Variants in COL16A1 observed in about 807,000 individuals in gnomAD.
The protein encoded by COL16A1 is collagen type XVI alpha 1 chain.
Under a neutral mutation model 266.3 loss-of-function variants are expected in COL16A1, and 189 were observed. That is an observed-to-expected ratio of 0.71 (90% CI 0.63 to 0.80). The LOEUF (loss-of-function observed/expected upper bound fraction) is 0.80. Among genes scored for constraint, COL16A1 ranks in the 30% least tolerant of loss-of-function variants. COL16A1 has a pLI of 0.00. For synonymous variants in COL16A1, 740 were observed against 782.3 expected (o/e 0.95, Z 0.90); for missense variants, 1,928 against 2,122.4 (o/e 0.91, Z 1.80).
In COL16A1 at chr1:31,653,586, T is replaced by C; in HGVS notation, c.4612+13A>G. ...GCTCTGGATTCATGGTCTCAAATGGTGGTATTTCCTACCTGGGGGGCCGGG... is the reference window on the plus strand; with the variant it reads ...GCTCTGGATTCATGGTCTCAAATGGCGGTATTTCCTACCTGGGGGGCCGGG... On this transcript the variant is annotated intron_variant, in intron 70 of 70. Coordinates refer to ENST00000373672, the MANE Select transcript of COL16A1 (RefSeq NM_001856.4). 1 of 1,612,432 alleles carries C rather than the reference T, an allele frequency of 6.2e-7. No homozygotes were observed. Among genetic ancestry groups the C allele is most frequent in the Non-Finnish European group, 8.5e-7 (1 of 1,179,196 alleles).
intron 11 of COL16A1, 41 bp from the exon 12 acceptor site, chr1:31,694,211 A>G: frequency 6.5e-7 from 1 of 1,547,602 alleles, no homozygotes; most frequent in South Asian, 1.2e-5. Flanking sequence ...TCCGGTAGAG[A>G]GAGAAAACCA....
Position 31,690,393 on chromosome 1 carries a change from CCT to C in COL16A1, c.1483-2_1483-1del. On this transcript the variant is annotated splice_acceptor_variant, in intron 21 of 70. Transcript: ENST00000373672. LOFTEE classifies it high-confidence loss of function. The stretch of plus-strand genomic sequence containing the variant: ...TTCTCTCCCTTCACACCTGGCTTCC[CCT>C]GTTAGAAAAGAGGCAATGGGCATCA... The C allele has an allele frequency of 6.2e-7, 1 of 1,614,132 alleles. No homozygotes were observed. The highest frequency in any genetic ancestry group is 8.5e-7 in the Non-Finnish European group (1 of 1,180,028).
Position 31,695,805 on chromosome 1 carries a change from G to T in COL16A1, c.919-18C>A, listed in dbSNP as rs779155305. On this transcript the variant is annotated intron_variant, in intron 9 of 70. Transcript: ENST00000373672. ...TGATGGACCTGAGGAAAGGGTGGGGGGTGTGGGAATGGGCAGGGAGCTCAG... is the reference window on the plus strand; with the variant it reads ...TGATGGACCTGAGGAAAGGGTGGGGTGTGTGGGAATGGGCAGGGAGCTCAG... 6.2e-7 allele frequency: 1 copy of T among 1,612,012 alleles called. No individual in the cohort carries two copies. The highest frequency in any genetic ancestry group is 1.1e-5 in the South Asian group (1 of 90,978).
Position 31,655,505 on chromosome 1 carries a change from A to G in COL16A1, c.4102-3T>C. 1 of 1,613,552 alleles carries G rather than the reference A, an allele frequency of 6.2e-7. No homozygotes were observed. The highest frequency in any genetic ancestry group is 8.5e-7 in the Non-Finnish European group (1 of 1,179,710). ...TGTCCTGCAGCTCCTGGATCACCCT[A>G]CAAAGATAGATACTTAGTGCTGTCA... On this transcript the variant is annotated splice_region_variant and splice_polypyrimidine_tract_variant and intron_variant, in intron 66 of 70. Coordinates refer to ENST00000373672, the MANE Select transcript of COL16A1 (RefSeq NM_001856.4).
chr1:31,681,836 C>T (rs1202718886), intron 37 of COL16A1, among the ~76,000 whole-genome samples: 3 of 152,224 alleles, frequency 2.0e-5, no homozygotes, highest in African/African-American at 7.2e-5. Flanking sequence ...TTGCCTGGGG[C>T]TCCCTGGGAC....
Position 31,660,632 on chromosome 1 carries a change from G to A in COL16A1, c.3832C>T (p.Pro1278Ser), listed in dbSNP as rs1641569370. The A allele has an allele frequency of 3.1e-6, 5 of 1,614,034 alleles. No individual in the cohort carries two copies. The highest frequency in any genetic ancestry group is 3.3e-5 in the Admixed American group (2 of 60,006). ...CTTCCCTGGGGTCCCATGGCACCAG[G>A]TTCACCCTGCAGGAGCCAGAAAAAG... ...STGRPGAEGE[P>S]GAMGPQGRPG... Residue 1278 changes from proline (P) to serine (S), a missense_variant, in exon 62 of 71, where the codon CCT (proline) becomes TCT (serine). This residue lies in a region of COL16A1 where 376 missense variants were observed against 485.2 expected (regional missense o/e 0.77). Coordinates refer to ENST00000373672, the MANE Select transcript of COL16A1 (RefSeq NM_001856.4).
rs183718586 is a variant in COL16A1 at position 31,663,648 on chromosome 1, G to A, written c.3556-990C>T. 5.3e-5 allele frequency among the ~76,000 whole-genome samples: 8 copies of A among 152,304 alleles called. No individual in the cohort carries two copies. Among genetic ancestry groups the A allele is most frequent in the Admixed American group, 2.0e-4 (3 of 15,306 alleles). The stretch of plus-strand genomic sequence containing the variant: ...AGAGAGGGACTCTAGGACCCCCACC[G>A]TTGTCTTAGCCAGGGAATCTCCGCT... On this transcript the variant is annotated intron_variant, in intron 56 of 70. Coordinates refer to ENST00000373672, the MANE Select transcript of COL16A1 (RefSeq NM_001856.4). The surrounding 1 kb of genome is among the most constrained non-coding windows in gnomAD (Gnocchi z 4.9).
intron 44 of COL16A1, among the ~76,000 whole-genome samples, chr1:31,673,730 G>A (rs1419895420): frequency 6.6e-6 from 1 of 152,268 alleles, no homozygotes; most frequent in East Asian, 1.9e-4. Flanking sequence ...CTTGTCTAAG[G>A]AAAGTGGGAG....
At position 31,665,154 on chromosome 1, in the gene COL16A1, A is replaced by C. The variant is rs759917052; in HGVS notation, c.3555+18T>G. 1 of 1,603,984 alleles carries C rather than the reference A, an allele frequency of 6.2e-7. No individual in the cohort carries two copies. The highest frequency in any genetic ancestry group is 1.8e-5 in the Admixed American group (1 of 56,470). The stretch of plus-strand genomic sequence containing the variant: ...ATGGCTCAGATCTGTGACTTTGCCA[A>C]CCCAGGGTCCTGCTCACCTTCTCTG... On this transcript the variant is annotated intron_variant, in intron 56 of 70. Coordinates refer to ENST00000373672, the MANE Select transcript of COL16A1 (RefSeq NM_001856.4).
In COL16A1 at chr1:31,699,943, C is replaced by T. The variant is rs772304591; in HGVS notation, c.149-13G>A. On this transcript the variant is annotated splice_polypyrimidine_tract_variant and intron_variant, in intron 3 of 70. Transcript: ENST00000373672. ...ATGAGGTTGAAGCCTTTGGGGGAGA[C>T]ATCAGGTGAAGAGCTCAGCTGAGCA... 3 of 1,605,604 alleles carry T rather than the reference C, an allele frequency of 1.9e-6. No individual in the cohort carries two copies. The highest frequency in any genetic ancestry group is 3.3e-5 in the Admixed American group (2 of 60,016).
chr1:31,686,375 T>C, intron 26 of COL16A1, 96 bp from the exon 27 acceptor site: 1 of 1,503,216 alleles, frequency 6.7e-7, no homozygotes, highest in Non-Finnish European at 9.2e-7. Flanking sequence ...CCCCTTCAGA[T>C]GTCCAGACTA....
At chr1:31,701,995 G>A in intron 2 of COL16A1, 126 bp downstream of exon 2, 2 of 1,455,612 alleles carry the variant, frequency 1.4e-6, no homozygotes, top group Non-Finnish European at 1.9e-6. Flanking sequence ...CCTGAGCCCA[G>A]CCCCTAGACT....
At chr1:31,655,616 A>C (rs1641069162) in intron 66 of COL16A1, 114 bp from the exon 67 acceptor site, 3 of 1,523,968 alleles carry the variant, frequency 2.0e-6, no homozygotes, top group African/African-American at 1.4e-5. Context: ...GACTGTGGCC[A>C]CAGCATCCTG....
intron 15 of COL16A1, 23 bp downstream of exon 15, chr1:31,692,575 C>T (rs1416336832): frequency 6.2e-7 from 1 of 1,614,120 alleles, no homozygotes; most frequent in South Asian, 1.1e-5. Context: ...CCATCCCTGC[C>T]CTATCCCTGG....
At position 31,665,877 on chromosome 1, in the gene COL16A1, C is replaced by G. The variant is rs1389543149; in HGVS notation, c.3456+5G>C. The G allele has an allele frequency of 3.1e-6, 5 of 1,614,066 alleles. No individual in the cohort carries two copies. Among genetic ancestry groups the G allele is most frequent in the Non-Finnish European group, 4.2e-6 (5 of 1,180,026 alleles). The stretch of plus-strand genomic sequence containing the variant: ...CCCTGCAGCCAGGTCCCAGTCGTCA[C>G]TCACCTGGTCGCCCTTCTCACCGGA... On this transcript the variant is annotated splice_donor_5th_base_variant and intron_variant, in intron 54 of 70. Transcript: ENST00000373672.
intron 56 of COL16A1, 50 bp from the exon 57 acceptor site, chr1:31,662,708 G>A: frequency 1.3e-6 from 2 of 1,503,332 alleles, no homozygotes; most frequent in South Asian, 2.5e-5. Context: ...AAGTCAGCAG[G>A]GCTTTGCCCC....
rs1421727400 is a variant in COL16A1, at chr1:31,652,990, C to A, written c.4613-137G>T. ...CCACATGTTTTCATGAAGACCTAGT[C>A]TGATCCTCACGTTGATTTAACAATA... On this transcript the variant is annotated intron_variant, in intron 70 of 70. Coordinates refer to ENST00000373672, the MANE Select transcript of COL16A1 (RefSeq NM_001856.4). The surrounding 1 kb of genome is among the most constrained non-coding windows in gnomAD (Gnocchi z 4.8). The A allele has an allele frequency of 2.7e-5, 24 of 877,840 alleles. No individual in the cohort carries two copies. The highest frequency in any genetic ancestry group is 3.6e-5 in the Non-Finnish European group (23 of 637,050). 54.4% of individuals were successfully genotyped at this position (877,840 alleles called of 1,614,324 possible).
Position 31,688,646 on chromosome 1 carries a change from A to G in COL16A1, c.1768-144T>C. 2.4e-6 allele frequency: 3 copies of G among 1,250,132 alleles called. No homozygotes were observed. The highest frequency in any genetic ancestry group is 3.5e-6 in the Non-Finnish European group (3 of 859,376). 77.4% of individuals were successfully genotyped at this position (1,250,132 alleles called of 1,614,324 possible). A position where few individuals can be genotyped will look rare whatever the true frequency, so the allele number is the denominator to read the frequency against. ...AGCTGGACAGTTTCTTCAGTTAGAC[A>G]ACTGAAGCTAGAGGTGCTAAGAGGA... On this transcript the variant is annotated intron_variant, in intron 25 of 70. Transcript: ENST00000373672. The surrounding 1 kb of genome is among the most constrained non-coding windows in gnomAD (Gnocchi z 4.9).
At chr1:31,691,539 G>C (rs762871778) in intron 18 of COL16A1, 27 bp from the exon 19 acceptor site, 32 of 1,613,870 alleles carry the variant, frequency 2.0e-5, no homozygotes, top group Non-Finnish European at 2.7e-5. Context: ...GTGGGCATCA[G>C]AGAGCTGCCA....
Sources: gnomAD v4.1 joint callset for allele counts (sites outside exome capture counted in the v4.1 genomes callset) on GRCh38, gnomAD v4.1.1 for gene constraint, gnomAD v4.1.1 regional missense constraint, Gnocchi (gnomAD v3.1) non-coding constraint, MANE v1.5 for transcripts, NCBI Gene and HGNC (gene_info 2026-07-23, HGNC 2026-07-21) for gene names.